Variants in PIWIL4 observed in about 807,000 individuals in gnomAD.
The protein encoded by PIWIL4 is piwi-like protein 4.
PIWIL4 carries 50 observed loss-of-function variants against 100.9 expected under a neutral mutation model. The ratio of observed to expected loss-of-function variants is 0.50; its 90% confidence interval spans 0.39 to 0.63. The LOEUF (loss-of-function observed/expected upper bound fraction) is 0.63. PIWIL4 is among the 20% of genes least tolerant of loss of function. The pLI, the probability that PIWIL4 is intolerant of heterozygous loss-of-function variation, is 0.00. For synonymous variants in PIWIL4, 342 were observed against 367.5 expected (o/e 0.93, Z 0.79); for missense variants, 887 against 1,043.3 (o/e 0.85, Z 2.06).
intron 9 of PIWIL4, 109 bp downstream of exon 9, chr11:94,593,750 C>T (rs1948518056): frequency 3.1e-6 from 4 of 1,282,684 alleles, no homozygotes; most frequent in Non-Finnish European, 4.3e-6. Context: ...ATCGATTTAA[C>T]CCATGGAGGA....
At chr11:94,589,257 T>G in intron 8 of PIWIL4, 25 bp downstream of exon 8, 35 of 1,527,976 alleles carry the variant, frequency 2.3e-5, no homozygotes, top group Non-Finnish European at 3.0e-5. Context: ...CATGCATCTC[T>G]ATCTCCTTTT....
At position 94,607,459 on chromosome 11, in the gene PIWIL4, T is replaced by G. The variant is rs987889463; in HGVS notation, c.1659T>G (p.Ser553=). Residue 553 remains serine, a synonymous_variant, in exon 14 of 20, where the codon TCT becomes TCG. Coordinates refer to ENST00000299001, the MANE Select transcript of PIWIL4 (RefSeq NM_152431.3). ...TTTAGGTAATGTGCATTCTGCCTTC[T>G]AATCAGAAGACCTATTATGATTCCA... ...DVQLVMCILP[S]NQKTYYDSIK... The G allele has an allele frequency of 3.7e-6, 6 of 1,613,920 alleles. No individual in the cohort carries two copies. The highest frequency in any genetic ancestry group is 1.3e-5 in the African/African-American group (1 of 74,932).
intron 14 of PIWIL4, among the ~76,000 whole-genome samples, chr11:94,607,855 A>G (rs1286203928): frequency 2.0e-5 from 3 of 152,090 alleles, no homozygotes; most frequent in Non-Finnish European, 4.4e-5. Context: ...CAGCATAGGG[A>G]CCTGATTTGA....
intron 13 of PIWIL4, among the ~76,000 whole-genome samples, chr11:94,607,202 G>A (rs1363118459): frequency 6.6e-6 from 1 of 152,114 alleles, no homozygotes. Flanking sequence ...GAAATGGGTA[G>A]GAGTGGGTGG....
chr11:94,590,840 T>C (rs1371820558), intron 8 of PIWIL4, among the ~76,000 whole-genome samples: 1 of 152,126 alleles, frequency 6.6e-6, no homozygotes, highest in Non-Finnish European at 1.5e-5. Flanking sequence ...ATGCCCTAGC[T>C]CTCTCCTCAC....
At chr11:94,607,725 G>T in intron 14 of PIWIL4, 86 bp downstream of exon 14, 1 of 1,346,598 alleles carries the variant, frequency 7.4e-7, no homozygotes. Context: ...CATGATCCCA[G>T]AATTATTTGG....
chr11:94,599,195 G>A (rs1306923668), intron 11 of PIWIL4, among the ~76,000 whole-genome samples: 2 of 152,178 alleles, frequency 1.3e-5, no homozygotes, highest in Non-Finnish European at 2.9e-5. Flanking sequence ...TGTGAAGAAG[G>A]ACTTATGTAC....
intron 14 of PIWIL4, 68 bp from the exon 15 acceptor site, chr11:94,608,515 C>A: frequency 7.3e-7 from 1 of 1,375,796 alleles, no homozygotes; most frequent in South Asian, 1.2e-5. Flanking sequence ...TAAAAACTTT[C>A]CTATTAAACC....
At chr11:94,580,883 T>C (rs1948301960) in intron 4 of PIWIL4, among the ~76,000 whole-genome samples, 2 of 146,680 alleles carry the variant, frequency 1.4e-5, no homozygotes, top group African/African-American at 5.0e-5. Context: ...TCACTTACTC[T>C]GCCAGGCTTT....
chr11:94,592,812 A>C (rs1948504841), intron 8 of PIWIL4, among the ~76,000 whole-genome samples: 1 of 152,210 alleles, frequency 6.6e-6, no homozygotes, highest in Non-Finnish European at 1.5e-5. Flanking sequence ...TTAGGATGGT[A>C]AAGGGAGAGG....
In PIWIL4 at chr11:94,568,800, C is replaced by T; in HGVS notation, c.158C>T (p.Ser53Leu). ...SNGFLGTSRI[S>L]TNDKYGISSG... ...GGCTTCTTGGGAACAAGCAGGATCT[C>T]AACCAACGGTAAGTGCAGCTCAGCC... The change falls in exon 2 of 20, where the codon TCA becomes TTA. Residue 53 changes from serine (S) to leucine (L), a missense_variant. This residue lies in a region of PIWIL4 where 146 missense variants were observed against 113.4 expected (regional missense o/e 1.29). Coordinates refer to ENST00000299001, the MANE Select transcript of PIWIL4 (RefSeq NM_152431.3). 1 of 1,598,760 alleles carries T rather than the reference C, an allele frequency of 6.3e-7. No homozygotes were observed. The highest frequency in any genetic ancestry group is 8.6e-7 in the Non-Finnish European group (1 of 1,166,014).
intron 4 of PIWIL4, among the ~76,000 whole-genome samples, chr11:94,579,193 T>C (rs1325602513): frequency 6.6e-6 from 1 of 152,256 alleles, no homozygotes; most frequent in Non-Finnish European, 1.5e-5. Flanking sequence ...TTTTTGATTC[T>C]AGAATTGCCG....
chr11:94,617,001 T>C (rs556298388), intron 16 of PIWIL4, among the ~76,000 whole-genome samples: 10 of 152,326 alleles, frequency 6.6e-5, no homozygotes, highest in Admixed American at 5.9e-4. Context: ...GCCCTATCCA[T>C]AGCAGGATGC....
At chr11:94,602,268 A>G (rs754815599) in intron 12 of PIWIL4, among the ~76,000 whole-genome samples, 4 of 152,142 alleles carry the variant, frequency 2.6e-5, no homozygotes, top group African/African-American at 4.8e-5. Context: ...AAGTCCATAT[A>G]TTGTCTTCTC....
chr11:94,604,644 T>A (rs973584361), intron 13 of PIWIL4, among the ~76,000 whole-genome samples: 1 of 152,220 alleles, frequency 6.6e-6, no homozygotes, highest in East Asian at 1.9e-4. Flanking sequence ...AGAATTGACA[T>A]CCCTGTTCTT....
intron 15 of PIWIL4, 127 bp downstream of exon 15, chr11:94,608,813 C>A: frequency 1.3e-6 from 1 of 771,686 alleles, no homozygotes; most frequent in Non-Finnish European, 2.2e-6. Flanking sequence ...CATTTAGGTT[C>A]ATAAATTACA....
chr11:94,586,739 C>T (rs1023058113), intron 6 of PIWIL4, among the ~76,000 whole-genome samples: 1 of 152,140 alleles, frequency 6.6e-6, no homozygotes, highest in Non-Finnish European at 1.5e-5. Context: ...GGGTAGAGGC[C>T]AGGGAAATGC....
chr11:94,569,680 C>T (rs1002384793), intron 2 of PIWIL4, among the ~76,000 whole-genome samples: 5 of 151,830 alleles, frequency 3.3e-5, no homozygotes, highest in South Asian at 2.1e-4. Context: ...CCCCGGGCGG[C>T]GGCCATTATC....
chr11:94,613,915 A>G (rs1006178768), intron 15 of PIWIL4, among the ~76,000 whole-genome samples: 9 of 152,046 alleles, frequency 5.9e-5, no homozygotes, highest in African/African-American at 2.2e-4. Context: ...GGCACCTGCC[A>G]CAATGTCCAG....
Sources: gnomAD v4.1 joint callset for allele counts (sites outside exome capture counted in the v4.1 genomes callset) on GRCh38, gnomAD v4.1.1 for gene constraint, gnomAD v4.1.1 regional missense constraint, MANE v1.5 for transcripts, NCBI Gene and HGNC (gene_info 2026-07-23, HGNC 2026-07-21) for gene names.